Variants in PRKN observed in about 807,000 individuals in gnomAD.
PRKN encodes parkin RBR E3 ubiquitin protein ligase.
In PRKN, 56 loss-of-function variants were observed where a neutral mutation model predicts 59.5. The observed-to-expected ratio is 0.94, with a 90% CI of 0.76 to 1.18. The LOEUF (loss-of-function observed/expected upper bound fraction) is 1.18, where lower values mean the gene tolerates loss of function less well. Ranked by LOEUF, PRKN falls within the 50% of genes most tolerant of loss-of-function variation. PRKN has a pLI of 0.00. For missense variants in PRKN, 657 were observed against 596.4 expected (o/e 1.10, Z -1.06); for synonymous variants, 250 against 222.1 (o/e 1.13, Z -1.12).
At chr6:161,951,548 T>C (rs1046810741) in intron 6 of PRKN, among the ~76,000 whole-genome samples, 1 of 152,166 alleles carries the variant, frequency 6.6e-6, no homozygotes, top group African/African-American at 2.4e-5. Flanking sequence ...ATAGACAAGC[T>C]CAAAACCTTA....
rs374003269 is a variant in PRKN, at chr6:161,384,390, A to G, written c.1167+2404T>C. Among the ~76,000 whole-genome samples, 42 of 151,816 alleles carry G rather than the reference A, an allele frequency of 2.8e-4. No homozygotes were observed. In the East Asian group the frequency reaches 3.1e-3, roughly 11 times the overall value. ...AAACCCTGTCTCTACAAAAAATACA[A>G]AAAGTAGCCTGGTGTGGTGGCATGT... On this transcript the variant is annotated intron_variant, in intron 10 of 11. Transcript: ENST00000366898.
chr6:162,122,015 C>A (rs1780935159), intron 4 of PRKN, among the ~76,000 whole-genome samples: 3 of 152,124 alleles, frequency 2.0e-5, no homozygotes, highest in African/African-American at 7.2e-5. Flanking sequence ...GATTAGAAGG[C>A]TGAAAACAAA....
intron 6 of PRKN, among the ~76,000 whole-genome samples, chr6:161,898,793 C>T (rs1310523862): frequency 6.6e-6 from 1 of 152,142 alleles, no homozygotes; most frequent in Non-Finnish European, 1.5e-5. Flanking sequence ...GCTGCAACAG[C>T]TTTAATTTTA....
intron 4 of PRKN, among the ~76,000 whole-genome samples, chr6:162,141,207 T>C (rs1156486030): frequency 6.6e-6 from 1 of 152,130 alleles, no homozygotes; most frequent in African/African-American, 2.4e-5. Context: ...GAATGAAACA[T>C]GCTAGCATAC....
intron 2 of PRKN, among the ~76,000 whole-genome samples, chr6:162,413,337 G>C (rs1045895474): frequency 6.6e-6 from 1 of 152,162 alleles, no homozygotes; most frequent in Admixed American, 6.5e-5. Context: ...CTACAAGCAT[G>C]AGTTATGAGG....
intron 2 of PRKN, among the ~76,000 whole-genome samples, chr6:162,264,921 A>C (rs1157965642): frequency 1.3e-5 from 2 of 151,900 alleles, no homozygotes; most frequent in Non-Finnish European, 2.9e-5. Context: ...TCTGTCTCAG[A>C]ATTACCCTTC....
At chr6:161,790,182 A>C (rs980755519) in intron 6 of PRKN, among the ~76,000 whole-genome samples, 1 of 152,206 alleles carries the variant, frequency 6.6e-6, no homozygotes, top group Non-Finnish European at 1.5e-5. Flanking sequence ...AATTTAAAGA[A>C]ACGGGAGGAT....
chr6:162,126,004 C>A (rs1360751706), intron 4 of PRKN, among the ~76,000 whole-genome samples: 1 of 152,128 alleles, frequency 6.6e-6, no homozygotes, highest in Non-Finnish European at 1.5e-5. Context: ...AAATTAGCAG[C>A]CACAGAAGCA....
chr6:162,488,043 T>TTTTG (rs1792632735), intron 1 of PRKN, among the ~76,000 whole-genome samples: 1 of 150,014 alleles, frequency 6.7e-6, no homozygotes, highest in Non-Finnish European at 1.5e-5. Flanking sequence ...TTTTTTTTTT[T>TTTTG]TTTTTTTTTG....
At chr6:161,992,582 A>C (rs549031126) in intron 5 of PRKN, among the ~76,000 whole-genome samples, 1 of 152,184 alleles carries the variant, frequency 6.6e-6, no homozygotes, top group African/African-American at 2.4e-5. Context: ...CTGGATTTAA[A>C]TTGCACTTAT....
At chr6:162,563,002 G>C (rs1347659594) in intron 1 of PRKN, among the ~76,000 whole-genome samples, 2 of 152,190 alleles carry the variant, frequency 1.3e-5, no homozygotes, top group Non-Finnish European at 2.9e-5. Flanking sequence ...GAAACTCTTT[G>C]TTTAAGAGAA....
At chr6:161,619,744 G>C (rs1582900254) in intron 7 of PRKN, among the ~76,000 whole-genome samples, 1 of 152,086 alleles carries the variant, frequency 6.6e-6, no homozygotes, top group Non-Finnish European at 1.5e-5. Context: ...GCCACAAGTG[G>C]TTATTTCAGT....
intron 6 of PRKN, among the ~76,000 whole-genome samples, chr6:161,847,977 C>T (rs534219635): frequency 1.7e-4 from 26 of 152,294 alleles, no homozygotes; most frequent in African/African-American, 6.0e-4. Flanking sequence ...GTGGAGCTCT[C>T]AGTGACCTCG....
In PRKN at chr6:161,853,391, T is replaced by C. The variant is rs891346098; in HGVS notation, c.735-67483A>G. On this transcript the variant is annotated intron_variant, in intron 6 of 11. Coordinates refer to ENST00000366898, the MANE Select transcript of PRKN (RefSeq NM_004562.3). ...AGTTTCAATAAACAGTCCAATAACA[T>C]TGGAAGATAAGTTTTGAAAGACTGT... is the stretch of plus-strand genomic sequence containing the variant. Among the ~76,000 whole-genome samples, 5 of 152,126 alleles carry C rather than the reference T, an allele frequency of 3.3e-5. 1 individual carries two copies. The highest frequency in any genetic ancestry group is 2.6e-4 in the Admixed American group (4 of 15,270).
chr6:161,836,130 C>T (rs991672512), intron 6 of PRKN, among the ~76,000 whole-genome samples: 1 of 152,060 alleles, frequency 6.6e-6, no homozygotes, highest in African/African-American at 2.4e-5. Context: ...CGGAGTGCGG[C>T]CTTTTTACAG....
In PRKN at chr6:161,459,372, T is replaced by G. The variant is rs992616187; in HGVS notation, c.1084-72495A>C. Reference sequence around the variant, plus strand: ...CAGAATATGGTGTGAATTAAGTAATTCATTTGGTTTTAGTTTACTTTTGAG... The same window carrying G: ...CAGAATATGGTGTGAATTAAGTAATGCATTTGGTTTTAGTTTACTTTTGAG... On this transcript the variant is annotated intron_variant, in intron 9 of 11. Transcript: ENST00000366898. The surrounding 1 kb of genome is among the most constrained non-coding windows in gnomAD (Gnocchi z 4.8). Among the ~76,000 whole-genome samples the G allele has an allele frequency of 1.3e-5, 2 of 152,318 alleles. No individual in the cohort carries two copies. The highest frequency in any genetic ancestry group is 2.1e-4 in the South Asian group (1 of 4,830).
At position 161,633,191 on chromosome 6, in the gene PRKN, T is replaced by C. The variant is rs116996327; in HGVS notation, c.872-63775A>G. Among the ~76,000 whole-genome samples, 554 of 152,296 alleles carry C rather than the reference T, an allele frequency of 3.6e-3. 12 individuals are homozygous for C. In the East Asian group the frequency reaches 0.058, roughly 16 times the overall value. ...GTGTGCATGTCTGACTGCACACACATACACATACACTCCCAAAGGAGATAA... is the reference window on the plus strand; with the variant it reads ...GTGTGCATGTCTGACTGCACACACACACACATACACTCCCAAAGGAGATAA... On this transcript the variant is annotated intron_variant, in intron 7 of 11. Coordinates refer to ENST00000366898, the MANE Select transcript of PRKN (RefSeq NM_004562.3).
chr6:162,060,229 C>T (rs1778042628), intron 4 of PRKN, among the ~76,000 whole-genome samples: 1 of 152,148 alleles, frequency 6.6e-6, no homozygotes, highest in African/African-American at 2.4e-5. Context: ...TCCTGGGTCT[C>T]AAGTGAGAAA....
chr6:161,699,009 C>A (rs542185218), intron 7 of PRKN, among the ~76,000 whole-genome samples: 1 of 152,168 alleles, frequency 6.6e-6, no homozygotes, highest in Middle Eastern at 3.4e-3. Context: ...GGACATGTAA[C>A]TAGAGTATAG....
Sources: allele counts gnomAD v4.1 joint callset (sites outside exome capture counted in the v4.1 genomes callset), GRCh38; gene constraint gnomAD v4.1.1; non-coding constraint Gnocchi (gnomAD v3.1); transcripts MANE v1.5; gene names NCBI Gene and HGNC (gene_info 2026-07-23, HGNC 2026-07-21).